Variants in SALL3 observed in about 807,000 individuals in gnomAD.
SALL3 encodes the protein spalt like transcription factor 3.
In SALL3, 25 loss-of-function variants were observed where a neutral mutation model predicts 66.2. The ratio of observed to expected loss-of-function variants is 0.38; its 90% CI spans 0.28 to 0.53. The LOEUF (loss-of-function observed/expected upper bound fraction) is 0.53. Among genes scored for constraint, SALL3 ranks in the 20% least tolerant of loss-of-function variants. The probability of loss-of-function intolerance (pLI) is 0.85; values close to 1 mark genes in which losing one functional copy is unlikely to be tolerated. For missense variants in SALL3, 2,194 were observed against 1,916.5 expected, an observed-to-expected ratio of 1.14 and a Z score of -2.70; for synonymous variants, 1,152 against 899.1, an observed-to-expected ratio of 1.28 and a Z score of -5.03.
In SALL3 at chr18:78,992,403, C is replaced by G; in HGVS notation, c.412C>G (p.Pro138Ala). ...GGAGGCCGAGCCCATGGACGCGGAA[C>G]CCGCGGGGGACACGCGCGCGCCCCG... The part of the protein sequence containing the change: ...EKEAEPMDAE[P>A]AGDTRAPRPP... The change falls in exon 2 of 3, where the codon CCC (proline) becomes GCC (alanine). Residue 138 changes from proline (P) to alanine (A), a missense_variant. Physicochemically the swap from Pro to Ala is conservative, Grantham distance 27. Coordinates refer to ENST00000537592, the MANE Select transcript of SALL3 (RefSeq NM_171999.4). 1 of 1,323,760 alleles carries G rather than the reference C, an allele frequency of 7.6e-7. No individual in the cohort carries two copies. Among genetic ancestry groups the G allele is most frequent in the South Asian group, 1.8e-5 (1 of 54,970 alleles). 82.0% of individuals were successfully genotyped at this position (1,323,760 alleles called of 1,614,324 possible). A position where few individuals can be genotyped will look rare whatever the true frequency, so the allele number is the denominator to read the frequency against.
Position 78,992,825 on chromosome 18 carries a change from G to A in SALL3, c.834G>A (p.Ser278=). 2.0e-6 allele frequency: 2 copies of A among 979,252 alleles called. No individual in the cohort carries two copies. The highest frequency in any genetic ancestry group is 2.4e-6 in the Non-Finnish European group (2 of 827,758). 60.7% of individuals were successfully genotyped at this position (979,252 alleles called of 1,614,324 possible). A position where few individuals can be genotyped will look rare whatever the true frequency, so the allele number is the denominator to read the frequency against. The part of the protein sequence containing the change: ...AGAPAAAIAG[S]GPAAPAAFEG... ...CCCCTGCCGCCGCCATCGCGGGCTC[G>A]GGCCCCGCCGCCCCGGCCGCCTTCG... Residue 278 remains serine, a synonymous_variant, in exon 2 of 3, where the codon TCG becomes TCA. Coordinates refer to ENST00000537592, the MANE Select transcript of SALL3 (RefSeq NM_171999.4).
intron 1 of SALL3, among the ~76,000 whole-genome samples, chr18:78,990,047 T>G (rs2146212477): frequency 6.6e-6 from 1 of 152,340 alleles, no homozygotes; most frequent in African/African-American, 2.4e-5. Context: ...CATTAAGAAA[T>G]TACCTGAAGA....
chr18:78,983,521 T>A (rs1914143729), intron 1 of SALL3, among the ~76,000 whole-genome samples: 1 of 152,252 alleles, frequency 6.6e-6, no homozygotes, highest in Non-Finnish European at 1.5e-5. Flanking sequence ...AAGTGTGTTT[T>A]TTTTTCTGCC....
In SALL3 at chr18:78,993,100, G is replaced by T; in HGVS notation, c.1109G>T (p.Gly370Val). 6.2e-7 allele frequency: 1 copy of T among 1,601,886 alleles called. No individual in the cohort carries two copies. The highest frequency in any genetic ancestry group is 8.5e-7 in the Non-Finnish European group (1 of 1,177,254). ...CTTCTACCTCAGACTTCCGCCAGCG[G>T]CGTCATCTTCCCCAACCCGCTGGTC... ...SPLLPQTSAS[G>V]VIFPNPLVSI... The change falls in exon 2 of 3, where the codon GGC becomes GTC. Residue 370 changes from glycine (G) to valine (V), a missense_variant. Coordinates refer to ENST00000537592, the MANE Select transcript of SALL3 (RefSeq NM_171999.4).
In SALL3 at chr18:78,994,949, T is replaced by A. The variant is rs1555707638; in HGVS notation, c.2958T>A (p.Phe986Leu). Residue 986 changes from phenylalanine (F) to leucine (L), a missense_variant, in exon 2 of 3, where the codon TTT becomes TTA. Phe to Leu is a conservative substitution (Grantham distance 22). Coordinates refer to ENST00000537592, the MANE Select transcript of SALL3 (RefSeq NM_171999.4). ...STVCGVCGKPFACKSALEIHY... is the reference protein window; with the variant it reads ...STVCGVCGKPLACKSALEIHY... ...TGTGTGGTGTCTGTGGCAAGCCTTT[T>A]GCTTGCAAGAGCGCGTTGGAAATCC... 6.2e-7 allele frequency: 1 copy of A among 1,613,752 alleles called. No individual in the cohort carries two copies. The highest frequency in any genetic ancestry group is 1.7e-5 in the Admixed American group (1 of 60,036).
Position 78,993,575 on chromosome 18 carries a change from G to A in SALL3, c.1584G>A (p.Leu528=), listed in dbSNP as rs1433999029. The A allele has an allele frequency of 2.5e-6, 4 of 1,589,044 alleles. No homozygotes were observed. The Admixed American group carries it at 5.2e-5, about 21-fold the overall frequency. The part of the protein sequence containing the change: ...VLPTVPTSVG[L]QLPPTVPGAH... ...CCACCGTGCCCACGTCCGTGGGGCT[G>A]CAACTGCCGCCCACTGTCCCTGGCG... The change falls in exon 2 of 3, where the codon CTG becomes CTA. Residue 528 remains leucine, a synonymous_variant. Transcript: ENST00000537592.
rs763620194 is a variant in SALL3, at chr18:78,992,538, C to G, written c.547C>G (p.Gln183Glu). 3 of 1,496,004 alleles carry G rather than the reference C, an allele frequency of 2.0e-6. No individual in the cohort carries two copies. The African/African-American group carries it at 4.4e-5, about 22-fold the overall frequency. The allele number at this position is 1,496,004 out of a possible 1,614,324, so 92.7% of individuals were successfully genotyped here. ...STKVAVAQFS[Q>E]GARAAGGSGA... ...CAAGGTGGCGGTGGCGCAGTTCTCG[C>G]AGGGCGCGCGCGCGGCAGGCGGCTC... Residue 183 changes from glutamine (Q) to glutamate (E), a missense_variant, in exon 2 of 3, where the codon CAG becomes GAG. Physicochemically the swap from Gln to Glu is conservative, Grantham distance 29. Coordinates refer to ENST00000537592, the MANE Select transcript of SALL3 (RefSeq NM_171999.4).
At position 78,992,221 on chromosome 18, in the gene SALL3, C is replaced by A; in HGVS notation, c.230C>A (p.Pro77Gln). 6.2e-7 allele frequency: 1 copy of A among 1,606,756 alleles called. No homozygotes were observed. Among genetic ancestry groups the A allele is most frequent in the Non-Finnish European group, 8.5e-7 (1 of 1,178,146 alleles). ...LEHQRSCTKL[P>Q]PVLIVHEDAP... ...CACCAGCGGAGCTGCACCAAGCTCC[C>A]GCCCGTGCTGATCGTGCACGAGGAC... The change falls in exon 2 of 3, where the codon CCG (proline) becomes CAG (glutamine). Residue 77 changes from proline (P) to glutamine (Q), a missense_variant. Physicochemically the swap from Pro to Gln is moderately conservative, Grantham distance 76 (BLOSUM62 -1). Transcript: ENST00000537592.
intron 1 of SALL3, among the ~76,000 whole-genome samples, chr18:78,989,830 T>C (rs1371621568): frequency 6.6e-6 from 1 of 152,236 alleles, no homozygotes; most frequent in East Asian, 1.9e-4. Context: ...TTAGTTACAG[T>C]AGTTATTTCT....
rs1463718383 is a variant in SALL3 at position 78,993,880 on chromosome 18, G to T, written c.1889G>T (p.Ser630Ile). The T allele has an allele frequency of 7.6e-6, 12 of 1,573,262 alleles. No individual in the cohort carries two copies. Among genetic ancestry groups the T allele is most frequent in the Non-Finnish European group, 1.0e-5 (12 of 1,161,040 alleles). Residue 630 changes from serine (S) to isoleucine (I), a missense_variant, in exon 2 of 3, where the codon AGC (serine) becomes ATC (isoleucine). Physicochemically the swap from Ser to Ile is moderately radical, Grantham distance 142. Coordinates refer to ENST00000537592, the MANE Select transcript of SALL3 (RefSeq NM_171999.4). The stretch of plus-strand genomic sequence containing the variant: ...ACATCGGTGGACGGCGCACCCACGA[G>T]CCTCGGCAGCCCCGGGCTGCCCGCC... ...APTSVDGAPT[S>I]LGSPGLPAVS...
In SALL3 at chr18:78,990,525, T is replaced by TA. The variant is rs1346341141; in HGVS notation, c.83-1544dup. On this transcript the variant is annotated intron_variant, in intron 1 of 2. Coordinates refer to ENST00000537592, the MANE Select transcript of SALL3 (RefSeq NM_171999.4). ...AGTATGTTTTTACAGGACATTTTTT[T>TA]AAAAATCAGAATTCTCTATTGAACT... Among the ~76,000 whole-genome samples the TA allele has an allele frequency of 2.6e-5, 4 of 152,244 alleles. No individual in the cohort carries two copies. The East Asian group carries it at 7.7e-4, about 29-fold the overall frequency.
At position 78,997,321 on chromosome 18, in the gene SALL3, A is replaced by G. The variant is rs1409289244; in HGVS notation, c.3902A>G (p.Ter1301TrpextTer14). Residue 1301 changes from the stop codon to tryptophan (W), a stop_lost, in exon 3 of 3, where the codon TAG becomes TGG. Transcript: ENST00000537592. Reference protein sequence around the residue: ...IEDNKEIGIN* With the variant: ...IEDNKEIGINW ...GATAACAAGGAGATTGGTATCAACT[A>G]GCCAGTGACTCGCTCATCTGCCCTG... The G allele has an allele frequency of 6.2e-7, 1 of 1,611,680 alleles. No individual in the cohort carries two copies. Among genetic ancestry groups the G allele is most frequent in the Admixed American group, 1.7e-5 (1 of 59,922 alleles).
chr18:78,996,788 C>T (rs1182011852), intron 2 of SALL3, 103 bp from the exon 3 acceptor site: 24 of 1,194,450 alleles, frequency 2.0e-5, no homozygotes, highest in East Asian at 2.6e-5. Flanking sequence ...CCGTAAGTCG[C>T]GCTTGGGAGC....
At chr18:78,989,927 G>T (rs1914369992) in intron 1 of SALL3, among the ~76,000 whole-genome samples, 1 of 152,186 alleles carries the variant, frequency 6.6e-6, no homozygotes, top group Admixed American at 6.5e-5. Context: ...ATTCAGGGCT[G>T]CTGAAGAACA....
chr18:78,994,657 G>C lies in SALL3; in HGVS notation c.2666G>C (p.Arg889Pro). The C allele has an allele frequency of 1.2e-6, 2 of 1,608,600 alleles. No individual in the cohort carries two copies. Among genetic ancestry groups the C allele is most frequent in the Non-Finnish European group, 1.7e-6 (2 of 1,178,738 alleles). Reference sequence around the variant, plus strand: ...TCGGCCGTGGGCGACCTGGAGAGCCGCAGCGCGGGCAGCCCCGCCCTGTCC... The same window carrying C: ...TCGGCCGTGGGCGACCTGGAGAGCCCCAGCGCGGGCAGCCCCGCCCTGTCC... ...SSSAVGDLES[R>P]SAGSPALSES... Residue 889 changes from arginine (R) to proline (P), a missense_variant, in exon 2 of 3, where the codon CGC becomes CCC. Arg to Pro is a moderately radical substitution (Grantham distance 103). Coordinates refer to ENST00000537592, the MANE Select transcript of SALL3 (RefSeq NM_171999.4).
At chr18:78,988,058 C>T (rs1395721725) in intron 1 of SALL3, among the ~76,000 whole-genome samples, 1 of 152,156 alleles carries the variant, frequency 6.6e-6, no homozygotes, top group Non-Finnish European at 1.5e-5. Context: ...GTTACAGTGC[C>T]TCGCTGACAT....
chr18:78,993,416 C>G lies in SALL3; in HGVS notation c.1425C>G (p.Pro475=), dbSNP rs751819886. 2 of 1,612,864 alleles carry G rather than the reference C, an allele frequency of 1.2e-6. No homozygotes were observed. The highest frequency in any genetic ancestry group is 1.7e-6 in the Non-Finnish European group (2 of 1,179,972). The change falls in exon 2 of 3, where the codon CCC becomes CCG. Residue 475 remains proline (P), a synonymous_variant. Transcript: ENST00000537592. Reference sequence around the variant, plus strand: ...TCCAGAGGCACAAGGAGAAGTACCCCCACATCCAGATGAACCCTTACCCGG... The same window carrying G: ...TCCAGAGGCACAAGGAGAAGTACCCGCACATCCAGATGAACCCTTACCCGG... The part of the protein sequence containing the change: ...VHFQRHKEKY[P]HIQMNPYPVP...
At chr18:78,989,787 T>C (rs1914364318) in intron 1 of SALL3, among the ~76,000 whole-genome samples, 1 of 152,358 alleles carries the variant, frequency 6.6e-6, no homozygotes, top group East Asian at 1.9e-4. Context: ...TTTCAAAATA[T>C]TGGAAAACCC....
In SALL3 at chr18:78,997,779, T is replaced by C. The variant is rs533495418; in HGVS notation, c.*457T>C. On this transcript the variant is annotated 3_prime_UTR_variant, in exon 3 of 3. Transcript: ENST00000537592. ...CTCCCAATGCTGTGTATCATGACAC[T>C]ATCTTCGTCTGTAGTATTTATGATG... 1 of 166,078 alleles carries C rather than the reference T, an allele frequency of 6.0e-6. No individual in the cohort carries two copies. Among genetic ancestry groups the C allele is most frequent in the East Asian group, 1.7e-4 (1 of 5,740 alleles). The allele number at this position is 166,078 out of a possible 1,614,324, so 10.3% of individuals were successfully genotyped here.
Sources: allele counts gnomAD v4.1 joint callset (sites outside exome capture counted in the v4.1 genomes callset), GRCh38; gene constraint gnomAD v4.1.1; transcripts MANE v1.5; gene names NCBI Gene and HGNC (gene_info 2026-07-23, HGNC 2026-07-21).